Variants in GRIK4 observed in about 807,000 individuals in gnomAD.
GRIK4 encodes the protein glutamate ionotropic receptor kainate type subunit 4, also known as glutamate receptor ionotropic, kainate 4.
In GRIK4, 40 loss-of-function variants were observed where a neutral mutation model predicts 104.9. The observed-to-expected ratio is 0.38, with a 90% CI of 0.30 to 0.50. GRIK4 has a LOEUF of 0.50. Among genes scored for constraint, GRIK4 ranks in the 20% least tolerant of loss-of-function variants. The probability of loss-of-function intolerance (pLI) is 0.93; values close to 1 mark genes in which losing one functional copy is unlikely to be tolerated. For missense variants in GRIK4, 1,047 were observed against 1,308.1 expected, an observed-to-expected ratio of 0.80 and a Z score of 3.08; for synonymous variants, 485 against 524.9, an observed-to-expected ratio of 0.92 and a Z score of 1.04.
intron 1 of GRIK4, among the ~76,000 whole-genome samples, chr11:120,539,083 G>A (rs995150283): frequency 2.0e-5 from 3 of 152,198 alleles, no homozygotes. Flanking sequence ...GACTGCAGCT[G>A]GGGGGAACTC....
In GRIK4 at chr11:120,886,898, C is replaced by T. The variant is rs183349748; in HGVS notation, c.1165-11634C>T. 3.7e-4 allele frequency among the ~76,000 whole-genome samples: 57 copies of T among 152,268 alleles called. 1 individual carries two copies. The highest frequency in any genetic ancestry group is 2.3e-3 in the Admixed American group (35 of 15,306). The stretch of plus-strand genomic sequence containing the variant: ...GTAGAATCCAGATCTTATATTCCTG[C>T]GGTCAAAAAGAATACTAAAGGGCTT... On this transcript the variant is annotated intron_variant, in intron 11 of 20. Coordinates refer to ENST00000527524, the MANE Select transcript of GRIK4 (RefSeq NM_014619.5).
At chr11:120,877,240 C>T (rs1034360509) in intron 11 of GRIK4, among the ~76,000 whole-genome samples, 2 of 152,168 alleles carry the variant, frequency 1.3e-5, no homozygotes, top group Non-Finnish European at 2.9e-5. Context: ...GATGGCATTT[C>T]ACAAAATGGT....
chr11:120,617,005 A>C (rs1949125842), intron 1 of GRIK4, among the ~76,000 whole-genome samples: 1 of 152,122 alleles, frequency 6.6e-6, no homozygotes, highest in African/African-American at 2.4e-5. Context: ...GGCAGTGGAC[A>C]GGTGTGACTG....
intron 13 of GRIK4, among the ~76,000 whole-genome samples, chr11:120,913,064 A>G (rs1943034755): frequency 6.6e-6 from 1 of 152,184 alleles, no homozygotes. Context: ...TAGCTCTTTC[A>G]TCCTTTACAG....
At chr11:120,975,103 C>A (rs754131975) in intron 19 of GRIK4, among the ~76,000 whole-genome samples, 2 of 152,158 alleles carry the variant, frequency 1.3e-5, no homozygotes, top group Non-Finnish European at 2.9e-5. Context: ...AAATACATCA[C>A]CAGGCTGTGA....
intron 3 of GRIK4, among the ~76,000 whole-genome samples, chr11:120,801,022 A>G (rs1235508778): frequency 1.3e-5 from 2 of 152,212 alleles, no homozygotes; most frequent in Non-Finnish European, 2.9e-5. Flanking sequence ...AGAGTAGCAC[A>G]ACTATTATCA....
At chr11:120,617,568 C>T (rs532533274) in intron 1 of GRIK4, among the ~76,000 whole-genome samples, 15 of 152,114 alleles carry the variant, frequency 9.9e-5, no homozygotes, top group African/African-American at 3.4e-4. Flanking sequence ...TTTGTACAGA[C>T]AGTGATATCA....
At chr11:120,930,142 C>T (rs1399152405) in intron 13 of GRIK4, among the ~76,000 whole-genome samples, 1 of 152,162 alleles carries the variant, frequency 6.6e-6, no homozygotes, top group African/African-American at 2.4e-5. Flanking sequence ...AGAATGTGTA[C>T]ATGGGGGTCT....
At chr11:120,520,531 C>G (rs962025507) in intron 1 of GRIK4, among the ~76,000 whole-genome samples, 1 of 152,200 alleles carries the variant, frequency 6.6e-6, no homozygotes, top group African/African-American at 2.4e-5. Context: ...TGAGGAGACC[C>G]TCTCCTGAGC....
chr11:120,865,374 C>A (rs1954379497), intron 9 of GRIK4, among the ~76,000 whole-genome samples: 1 of 152,232 alleles, frequency 6.6e-6, no homozygotes. Flanking sequence ...ATTTATGTAG[C>A]CCGCGGACCT....
chr11:120,519,551 C>G (rs137951951), intron 1 of GRIK4, among the ~76,000 whole-genome samples: 70 of 152,334 alleles, frequency 4.6e-4, no homozygotes, highest in African/African-American at 1.6e-3. Context: ...AAACAAACTT[C>G]TATTGTTTAC....
intron 3 of GRIK4, among the ~76,000 whole-genome samples, chr11:120,672,026 A>G (rs565331870): frequency 6.6e-6 from 1 of 152,320 alleles, no homozygotes; most frequent in South Asian, 2.1e-4. Context: ...TGGTTACTGT[A>G]GCCTTGTAGT....
intron 1 of GRIK4, among the ~76,000 whole-genome samples, chr11:120,613,124 C>T (rs978403692): frequency 1.3e-5 from 2 of 152,164 alleles, no homozygotes; most frequent in African/African-American, 2.4e-5. Flanking sequence ...ATCCATGTGT[C>T]GTTGTGACTC....
chr11:120,813,693 A>T (rs549410015), intron 4 of GRIK4, among the ~76,000 whole-genome samples: 2 of 152,118 alleles, frequency 1.3e-5, no homozygotes, highest in South Asian at 4.2e-4. Context: ...GCTGTATTGG[A>T]CTCTAACCCA....
intron 6 of GRIK4, among the ~76,000 whole-genome samples, chr11:120,827,930 G>T (rs1953310541): frequency 6.6e-6 from 1 of 152,170 alleles, no homozygotes; most frequent in Non-Finnish European, 1.5e-5. Context: ...GCTGGAGTCT[G>T]TCTCCCTGTG....
intron 1 of GRIK4, among the ~76,000 whole-genome samples, chr11:120,522,541 G>A (rs1047939110): frequency 1.3e-5 from 2 of 151,930 alleles, no homozygotes; most frequent in African/African-American, 2.4e-5. Context: ...GGCTGGTCTC[G>A]AACCCCTGAC....
At chr11:120,602,923 G>A (rs1265226098) in intron 1 of GRIK4, among the ~76,000 whole-genome samples, 2 of 152,094 alleles carry the variant, frequency 1.3e-5, no homozygotes, top group African/African-American at 2.4e-5. Flanking sequence ...GGTTGGTCTC[G>A]AACTCCTGGC....
At chr11:120,518,145 C>G (rs922090567) in intron 1 of GRIK4, among the ~76,000 whole-genome samples, 1 of 152,100 alleles carries the variant, frequency 6.6e-6, no homozygotes, top group Admixed American at 6.5e-5. Flanking sequence ...CATTGCTCCC[C>G]CTGAGGCTGT....
intron 1 of GRIK4, among the ~76,000 whole-genome samples, chr11:120,523,126 C>T (rs1947814977): frequency 6.7e-6 from 1 of 149,388 alleles, no homozygotes; most frequent in Non-Finnish European, 1.5e-5. Flanking sequence ...AAAATTTCAG[C>T]TGACCCAAAT....
Sources: gnomAD v4.1 joint callset for allele counts (sites outside exome capture counted in the v4.1 genomes callset) on GRCh38, gnomAD v4.1.1 for gene constraint, MANE v1.5 for transcripts, NCBI Gene and HGNC (gene_info 2026-07-23, HGNC 2026-07-21) for gene names.